LAMC3: variants seen among roughly 807,000 people sequenced by gnomAD.
The protein encoded by LAMC3 is laminin subunit gamma 3.
Under a neutral mutation model 173.8 loss-of-function variants are expected in LAMC3, and 128 were observed. That is an observed-to-expected ratio of 0.74 (90% CI 0.64 to 0.85). The LOEUF is 0.85. Among genes scored for constraint, LAMC3 ranks in the 40% least tolerant of loss-of-function variants. LAMC3 has a pLI of 0.00. For missense variants in LAMC3, 2,022 were observed against 2,156.0 expected (o/e 0.94, Z 1.23); for synonymous variants, 897 against 909.1 (o/e 0.99, Z 0.24).
chr9:131,050,534 T>TG lies in LAMC3; in HGVS notation c.1630+1404_1630+1405insG, dbSNP rs1438566609. On this transcript the variant is annotated intron_variant, in intron 9 of 27. Coordinates refer to ENST00000361069, the MANE Select transcript of LAMC3 (RefSeq NM_006059.4). ...ATCCCAGCACTTTGGGAGGCTGAGG[T>TG]TGGGGGGGATCTTCTGAGGTCAGGA... 3.9e-4 allele frequency among the ~76,000 whole-genome samples: 59 copies of TG among 151,100 alleles called. No homozygotes were observed. In the South Asian group the frequency reaches 4.2e-3, roughly 11 times the overall value.
intron 13 of LAMC3, among the ~76,000 whole-genome samples, chr9:131,063,102 A>G (rs1027152278): frequency 4.6e-5 from 7 of 152,184 alleles, no homozygotes; most frequent in African/African-American, 1.4e-4. Context: ...CATTAAATCA[A>G]TTTGTCAAAT....
intron 11 of LAMC3, 152 bp downstream of exon 11, chr9:131,053,117 C>A: frequency 1.4e-6 from 1 of 714,254 alleles, no homozygotes. Context: ...AAAGTCAGGA[C>A]AGTTGCCAGA....
Position 131,052,633 on chromosome 9 carries a change from G to T in LAMC3, c.1773G>T (p.Leu591=). Residue 591 remains leucine, a synonymous_variant, in exon 10 of 28, where the codon CTG becomes CTT. Coordinates refer to ENST00000361069, the MANE Select transcript of LAMC3 (RefSeq NM_006059.4). Reference sequence around the variant, plus strand: ...CCCTGTCCCTGAGGCACTCTAGCCTGTCTGGCCCCCAGGATGCCGGGCATC... The same window carrying T: ...CCCTGTCCCTGAGGCACTCTAGCCTTTCTGGCCCCCAGGATGCCGGGCATC... The part of the protein sequence containing the change: ...GLALSLRHSS[L]SGPQDAGHPR... 1.2e-6 allele frequency: 2 copies of T among 1,613,984 alleles called. No individual in the cohort carries two copies. Among genetic ancestry groups the T allele is most frequent in the Non-Finnish European group, 8.5e-7 (1 of 1,179,974 alleles).
chr9:131,044,249 T>C (rs539672432), intron 7 of LAMC3, among the ~76,000 whole-genome samples: 24 of 150,750 alleles, frequency 1.6e-4, no homozygotes, highest in Non-Finnish European at 2.8e-4. Flanking sequence ...CGGTGGCTCA[T>C]GCCTGTAATC....
In LAMC3 at chr9:131,057,161, C is replaced by T; in HGVS notation, c.2158+14C>T. The T allele has an allele frequency of 1.2e-6, 2 of 1,609,578 alleles. No individual in the cohort carries two copies. Among genetic ancestry groups the T allele is most frequent in the Non-Finnish European group, 1.7e-6 (2 of 1,176,148 alleles). ...ACCCCAACACAGGTGAGTCTCCTGGCACCCCATCCGAAGGCACCTGGGTTA... is the reference window on the plus strand; with the variant it reads ...ACCCCAACACAGGTGAGTCTCCTGGTACCCCATCCGAAGGCACCTGGGTTA... On this transcript the variant is annotated intron_variant, in intron 12 of 27. Coordinates refer to ENST00000361069, the MANE Select transcript of LAMC3 (RefSeq NM_006059.4).
chr9:131,075,206 TG>T (rs1830102767), intron 20 of LAMC3, among the ~76,000 whole-genome samples: 1 of 152,092 alleles, frequency 6.6e-6, no homozygotes, highest in African/African-American at 2.4e-5. Context: ...AGTTTGAGGT[TG>T]CAGTGAGCTG....
Position 131,068,353 on chromosome 9 carries a change from T to G in LAMC3, c.2747+122T>G, listed in dbSNP as rs1829978243. On this transcript the variant is annotated intron_variant, in intron 15 of 27. Transcript: ENST00000361069. ...GTCCTAGGCCCACTGCCAGGCACAT[T>G]GTGCCCTTTGCCGAAGGGGAGCAAA... 3 of 1,016,294 alleles carry G rather than the reference T, an allele frequency of 3.0e-6. No individual in the cohort carries two copies. The South Asian group carries it at 4.8e-5, about 16-fold the overall frequency. 63.0% of individuals were successfully genotyped at this position (1,016,294 alleles called of 1,614,324 possible).
Position 131,026,200 on chromosome 9 carries a change from G to A in LAMC3, c.374-85G>A, listed in dbSNP as rs879066699. 1 of 1,583,402 alleles carries A rather than the reference G, an allele frequency of 6.3e-7. No homozygotes were observed. Among genetic ancestry groups the A allele is most frequent in the African/African-American group, 1.4e-5 (1 of 74,010 alleles). ...CAGCGATCCATCCACGCTAGTGCCT[G>A]CAATGCAGCCGTCTGTCCTTCCTAG... On this transcript the variant is annotated intron_variant, in intron 1 of 27. Transcript: ENST00000361069. This position sits in a 1 kb window ranked among gnomAD's most constrained non-coding sequence, Gnocchi z 4.8.
In LAMC3 at chr9:131,069,687, C is replaced by T. The variant is rs1830005850; in HGVS notation, c.2906C>T (p.Pro969Leu). The part of the protein sequence containing the change: ...IKGCRACRCS[P>L]LGAASAQCHE... ...GCCCCTCTAGCCTGCAGGTGCTCCCCACTGGGCGCTGCCTCGGCCCAGTGC... is the reference window on the plus strand; with the variant it reads ...GCCCCTCTAGCCTGCAGGTGCTCCCTACTGGGCGCTGCCTCGGCCCAGTGC... Residue 969 changes from proline to leucine, a missense_variant, in exon 17 of 28, where the codon CCA (proline) becomes CTA (leucine). Coordinates refer to ENST00000361069, the MANE Select transcript of LAMC3 (RefSeq NM_006059.4). 4 of 1,603,310 alleles carry T rather than the reference C, an allele frequency of 2.5e-6. No homozygotes were observed. The highest frequency in any genetic ancestry group is 2.1e-4 in the Middle Eastern group (1 of 4,860).
At chr9:131,024,248 C>T (rs1833681367) in intron 1 of LAMC3, among the ~76,000 whole-genome samples, 1 of 151,030 alleles carries the variant, frequency 6.6e-6, no homozygotes, top group South Asian at 2.1e-4. Context: ...TGGGTTCAAG[C>T]AATTCTCCTG....
intron 1 of LAMC3, among the ~76,000 whole-genome samples, chr9:131,010,025 G>A (rs1253601693): frequency 1.3e-5 from 2 of 151,736 alleles, no homozygotes; most frequent in Non-Finnish European, 2.9e-5. Context: ...GTGGTGGTAG[G>A]TGCCTGTAGT....
At position 131,049,125 on chromosome 9, in the gene LAMC3, C is replaced by T; in HGVS notation, c.1625C>T (p.Ala542Val). Residue 542 changes from alanine to valine, a missense_variant, in exon 9 of 28, where the codon GCA becomes GTA. Transcript: ENST00000361069. ...CCAGAAGACGAGGAGGAGCTCACAG[C>T]ACCAGGTACCTCCAGCACCAGGTGG... ...LSPEDEEELT[A>V]PEKFLGDQRF... 1.3e-6 allele frequency: 2 copies of T among 1,542,792 alleles called. No individual in the cohort carries two copies. The highest frequency in any genetic ancestry group is 1.8e-6 in the Non-Finnish European group (2 of 1,138,730).
intron 4 of LAMC3, 122 bp downstream of exon 4, chr9:131,036,454 GTC>G: frequency 9.3e-7 from 1 of 1,078,228 alleles, no homozygotes; most frequent in Non-Finnish European, 1.4e-6. Flanking sequence ...GCAGCTCGGG[GTC>G]TCTGTGCTGC....
At chr9:131,068,336 C>T in intron 15 of LAMC3, 105 bp downstream of exon 15, 3 of 1,192,284 alleles carry the variant, frequency 2.5e-6, no homozygotes, top group Non-Finnish European at 3.5e-6. Flanking sequence ...TTGTCCTAGG[C>T]CCACTGCCAG....
rs765041880 is a variant in LAMC3, at chr9:131,049,051, G to A, written c.1551G>A (p.Gly517=). 5 of 1,551,696 alleles carry A rather than the reference G, an allele frequency of 3.2e-6. No homozygotes were observed. The South Asian group carries it at 3.6e-5, about 11-fold the overall frequency. ...GAEGWWARSV[G]GSEHPPQWSP... ...AAGGCTGGTGGGCCAGAAGTGTGGG[G>A]GGCTCTGAGCACCCCCCACAATGGA... The change falls in exon 9 of 28, where the codon GGG becomes GGA. Residue 517 remains glycine, a synonymous_variant. Transcript: ENST00000361069.
In LAMC3 at chr9:131,029,135, C is replaced by G. The variant is rs1166112500; in HGVS notation, c.678+2546C>G. 6.6e-6 allele frequency among the ~76,000 whole-genome samples: 1 copy of G among 152,218 alleles called. No homozygotes were observed. Among genetic ancestry groups the G allele is most frequent in the Non-Finnish European group, 1.5e-5 (1 of 68,046 alleles). ...CTAGTGTGGCCCAAGGGAAGACCCT[C>G]TTATCAGGAGGGACATCCAAGGATA... On this transcript the variant is annotated intron_variant, in intron 2 of 27. Coordinates refer to ENST00000361069, the MANE Select transcript of LAMC3 (RefSeq NM_006059.4). The surrounding 1 kb of genome is among the most constrained non-coding windows in gnomAD (Gnocchi z 4.6).
At position 131,026,355 on chromosome 9, in the gene LAMC3, C is replaced by A. The variant is rs749135423; in HGVS notation, c.444C>A (p.Tyr148Ter). 2 of 1,614,186 alleles carry A rather than the reference C, an allele frequency of 1.2e-6. No homozygotes were observed. The highest frequency in any genetic ancestry group is 1.7e-6 in the Non-Finnish European group (2 of 1,180,052). Reference protein sequence around the residue: ...HTSRPESFAIYKRSRADGPWE... With the variant: ...HTSRPESFAI The stretch of plus-strand genomic sequence containing the variant: ...GTCGCCCTGAGAGCTTTGCCATCTA[C>A]AAGCGCAGCCGCGCCGACGGCCCAT... The change falls in exon 2 of 28, where the codon TAC becomes TAA. Residue 148 changes from tyrosine to a stop codon, truncating the protein, a stop_gained. Transcript: ENST00000361069. LOFTEE classifies it high-confidence loss of function. The surrounding 1 kb of genome is among the most constrained non-coding windows in gnomAD (Gnocchi z 4.8).
intron 8 of LAMC3, 62 bp from the exon 9 acceptor site, chr9:131,048,958 C>A: frequency 1.9e-6 from 2 of 1,057,784 alleles, no homozygotes; most frequent in South Asian, 1.5e-5. Context: ...CTGGGGCTGG[C>A]ACCTGGAGAC....
At chr9:131,066,638 A>G (rs1829938265) in intron 13 of LAMC3, among the ~76,000 whole-genome samples, 1 of 151,948 alleles carries the variant, frequency 6.6e-6, no homozygotes, top group African/African-American at 2.4e-5. Context: ...GATAGCCACC[A>G]CTCCTGAGTG....
Sources: allele counts gnomAD v4.1 joint callset (sites outside exome capture counted in the v4.1 genomes callset), GRCh38; gene constraint gnomAD v4.1.1; non-coding constraint Gnocchi (gnomAD v3.1); transcripts MANE v1.5; gene names NCBI Gene and HGNC (gene_info 2026-07-23, HGNC 2026-07-21).